Variants in NCR3 observed in about 807,000 individuals in gnomAD.
The protein encoded by NCR3 is natural cytotoxicity triggering receptor 3, also known as NK-p30.
In NCR3, 13 loss-of-function variants were observed where a neutral mutation model predicts 16.1. That is an observed-to-expected ratio of 0.81 (90% CI 0.53 to 1.28). NCR3 has a LOEUF of 1.28. NCR3 is among the 50% of genes most tolerant of loss of function. The pLI, the probability that NCR3 is intolerant of heterozygous loss-of-function variation, is 0.00. For missense variants in NCR3, 202 were observed against 256.8 expected (o/e 0.79, Z 1.46); for synonymous variants, 98 against 106.6 (o/e 0.92, Z 0.50).
chr6:31,589,347 G>A lies in NCR3; in HGVS notation c.497-171C>T. 6.4e-7 allele frequency: 1 copy of A among 1,552,304 alleles called. No individual in the cohort carries two copies. Among genetic ancestry groups the A allele is most frequent in the Non-Finnish European group, 8.7e-7 (1 of 1,147,142 alleles). Reference sequence around the variant, plus strand: ...CTGGGCTCTGGAATCACTCCTCGGGGCCCATCTGAGGAGTGGCAGTGTGTT... The same window carrying A: ...CTGGGCTCTGGAATCACTCCTCGGGACCCATCTGAGGAGTGGCAGTGTGTT... On this transcript the variant is annotated intron_variant, in intron 3 of 3. Transcript: ENST00000340027. The surrounding 1 kb of genome is among the most constrained non-coding windows in gnomAD (Gnocchi z 4.8).
At chr6:31,591,383 GGCC>G (rs1214133334) in intron 1 of NCR3, among the ~76,000 whole-genome samples, 2 of 143,870 alleles carry the variant, frequency 1.4e-5, no homozygotes, top group African/African-American at 5.3e-5. Flanking sequence ...CAGATTCCTG[GGCC>G]TACCCCCCGA....
chr6:31,591,961 CA>C (rs1412904222), intron 1 of NCR3, among the ~76,000 whole-genome samples: 1 of 151,982 alleles, frequency 6.6e-6, no homozygotes, highest in African/African-American at 2.4e-5. Flanking sequence ...ACTAAAAATA[CA>C]AAAATGGCTG....
In NCR3 at chr6:31,589,544, C is replaced by T. The variant is rs747647904; in HGVS notation, c.478G>A (p.Val160Ile). The T allele has an allele frequency of 1.1e-5, 17 of 1,613,908 alleles. No individual in the cohort carries two copies. The highest frequency in any genetic ancestry group is 3.3e-5 in the Admixed American group (2 of 59,978). The stretch of plus-strand genomic sequence containing the variant: ...TACTCACATTTGCCCTGGTAATAGA[C>T]GGTGCTGCCCACGGCCACAGAGAGA... ...SFLSVAVGST[V>I]YYQGKCLTWK... The change falls in exon 3 of 4, where the codon GTC (valine) becomes ATC (isoleucine). Residue 160 changes from valine (V) to isoleucine (I), a missense_variant. Coordinates refer to ENST00000340027, the MANE Select transcript of NCR3 (RefSeq NM_147130.3). This position sits in a 1 kb window ranked among gnomAD's most constrained non-coding sequence, Gnocchi z 4.8.
At chr6:31,590,226 T>C in intron 1 of NCR3, 100 bp from the exon 2 acceptor site, 2 of 1,001,810 alleles carry the variant, frequency 2.0e-6, no homozygotes, top group Non-Finnish European at 2.9e-6. Context: ...TCTCCAGGCA[T>C]AGGGTGCATG....
chr6:31,589,714 C>T lies in NCR3; in HGVS notation c.388+68G>A, dbSNP rs11575841. ...GGGAAGGGGCCTCAGAGGAGCATCCCTGCCTCCCAAGGACATTGCCTCTTG... is the reference window on the plus strand; with the variant it reads ...GGGAAGGGGCCTCAGAGGAGCATCCTTGCCTCCCAAGGACATTGCCTCTTG... On this transcript the variant is annotated intron_variant, in intron 2 of 3. Transcript: ENST00000340027. This position sits in a 1 kb window ranked among gnomAD's most constrained non-coding sequence, Gnocchi z 4.8. 38,759 of 1,604,944 alleles carry T rather than the reference C, an allele frequency of 0.024. 696 individuals are homozygous for T. Among genetic ancestry groups the T allele is most frequent in the Middle Eastern group, 0.065 (388 of 6,014 alleles).
chr6:31,589,932 G>A lies in NCR3; in HGVS notation c.238C>T (p.Leu80Phe). ...TPEFRGRLAP[L>F]ASSRFLHDHQ... is the part of the protein sequence containing the mutation. ...TCATGGAGGAAACGGGAAGAAGCAAGTGGGGCCAGGCGGCCCCTGAACTCT... is the reference window on the plus strand; with the variant it reads ...TCATGGAGGAAACGGGAAGAAGCAAATGGGGCCAGGCGGCCCCTGAACTCT... The change falls in exon 2 of 4, where the codon CTT becomes TTT. Residue 80 changes from leucine to phenylalanine, a missense_variant. Leu to Phe is a conservative substitution (Grantham distance 22, BLOSUM62 0). Coordinates refer to ENST00000340027, the MANE Select transcript of NCR3 (RefSeq NM_147130.3). The surrounding 1 kb of genome is among the most constrained non-coding windows in gnomAD (Gnocchi z 4.8). 6.2e-7 allele frequency: 1 copy of A among 1,613,160 alleles called. No individual in the cohort carries two copies. Among genetic ancestry groups the A allele is most frequent in the Non-Finnish European group, 8.5e-7 (1 of 1,180,050 alleles).
Position 31,590,139 on chromosome 6 carries a change from G to C in NCR3, c.44-13C>G, listed in dbSNP as rs781446382. 4.5e-5 allele frequency: 71 copies of C among 1,591,138 alleles called. No homozygotes were observed. The highest frequency in any genetic ancestry group is 5.8e-5 in the Non-Finnish European group (68 of 1,169,206). On this transcript the variant is annotated splice_polypyrimidine_tract_variant and intron_variant, in intron 1 of 3. Coordinates refer to ENST00000340027, the MANE Select transcript of NCR3 (RefSeq NM_147130.3). ...AGAGCACAGGATCCTGGGGGCAGAA[G>C]GAAGACCCAGAGAAACACCTCCCCA... is the stretch of plus-strand genomic sequence containing the variant.
chr6:31,589,376 A>C lies in NCR3; in HGVS notation c.496+150T>G, dbSNP rs1051387330. 1 of 1,552,550 alleles carries C rather than the reference A, an allele frequency of 6.4e-7. No individual in the cohort carries two copies. ...ATCTGAGGAGTGGCAGTGTGTTCCCATGTGACAGTGGCCTGGTCAGAGAGA... is the reference window on the plus strand; with the variant it reads ...ATCTGAGGAGTGGCAGTGTGTTCCCCTGTGACAGTGGCCTGGTCAGAGAGA... On this transcript the variant is annotated intron_variant, in intron 3 of 3. Coordinates refer to ENST00000340027, the MANE Select transcript of NCR3 (RefSeq NM_147130.3). This position sits in a 1 kb window ranked among gnomAD's most constrained non-coding sequence, Gnocchi z 4.8.
Position 31,592,674 on chromosome 6 carries a change from G to A in NCR3, c.43+5C>T. 6.2e-7 allele frequency: 1 copy of A among 1,612,928 alleles called. No homozygotes were observed. The highest frequency in any genetic ancestry group is 8.5e-7 in the Non-Finnish European group (1 of 1,180,020). On this transcript the variant is annotated splice_donor_5th_base_variant and intron_variant, in intron 1 of 3. Transcript: ENST00000340027. ...CCTTGGGGTCCTGAGCGCACGCCCTGTCACCTGGATGGACCATGATCAAGA... is the reference window on the plus strand; with the variant it reads ...CCTTGGGGTCCTGAGCGCACGCCCTATCACCTGGATGGACCATGATCAAGA...
chr6:31,589,169 G>T lies in NCR3; in HGVS notation c.504C>A (p.Thr168=). 1 of 1,613,868 alleles carries T rather than the reference G, an allele frequency of 6.2e-7. No homozygotes were observed. ...GCAGCTGCCTTCTTGGACCTTTCCA[G>T]GTCAGACCTGGTGGAAGGGAAAGTT... ...STVYYQGKCL[T]WKGPRRQLPA... The change falls in exon 4 of 4, where the codon ACC becomes ACA. Residue 168 remains threonine, a synonymous_variant. Transcript: ENST00000340027. This position sits in a 1 kb window ranked among gnomAD's most constrained non-coding sequence, Gnocchi z 4.8.
At position 31,589,972 on chromosome 6, in the gene NCR3, C is replaced by T. The variant is rs112984374; in HGVS notation, c.198G>A (p.Val66=). 3.7e-6 allele frequency: 6 copies of T among 1,613,088 alleles called. No homozygotes were observed. Among genetic ancestry groups the T allele is most frequent in the African/African-American group, 2.7e-5 (2 of 75,058 alleles). ...FRDEVVPGKE[V]RNGTPEFRGR... is the part of the protein sequence containing the mutation. ...CCCTGAACTCTGGGGTTCCATTCCTCACCTCCTTCCCTGGAACCACCTCAT... is the reference window on the plus strand; with the variant it reads ...CCCTGAACTCTGGGGTTCCATTCCTTACCTCCTTCCCTGGAACCACCTCAT... The change falls in exon 2 of 4, where the codon GTG becomes GTA. Residue 66 remains valine, a synonymous_variant. Coordinates refer to ENST00000340027, the MANE Select transcript of NCR3 (RefSeq NM_147130.3). This position sits in a 1 kb window ranked among gnomAD's most constrained non-coding sequence, Gnocchi z 4.8.
rs777058860 is a variant in NCR3 at position 31,589,416 on chromosome 6, C to A, written c.496+110G>T. On this transcript the variant is annotated intron_variant, in intron 3 of 3. Coordinates refer to ENST00000340027, the MANE Select transcript of NCR3 (RefSeq NM_147130.3). The surrounding 1 kb of genome is among the most constrained non-coding windows in gnomAD (Gnocchi z 4.8). ...GGTCAGAGAGAGGACAGGAGCTGCT[C>A]AGTGTTGCAGTCCCGAGGCTCTCCT... The A allele has an allele frequency of 1.2e-4, 188 of 1,554,940 alleles. No individual in the cohort carries two copies. The highest frequency in any genetic ancestry group is 4.3e-4 in the Admixed American group (22 of 51,226).
Position 31,592,827 on chromosome 6 carries a change from G to T in NCR3, c.-106C>A. The T allele has an allele frequency of 8.1e-7, 1 of 1,237,492 alleles. No homozygotes were observed. Among genetic ancestry groups the T allele is most frequent in the Non-Finnish European group, 1.2e-6 (1 of 851,264 alleles). 76.7% of individuals were successfully genotyped at this position (1,237,492 alleles called of 1,614,324 possible). ...AGGCCTTTGGTCACCAGATGGGGAT[G>T]GGGAGCTTCCTATGACACACGGGAC... On this transcript the variant is annotated 5_prime_UTR_variant, in exon 1 of 4. Transcript: ENST00000340027.
chr6:31,589,872 C>T lies in NCR3; in HGVS notation c.298G>A (p.Gly100Ser). 1.2e-6 allele frequency: 2 copies of T among 1,613,212 alleles called. No individual in the cohort carries two copies. The highest frequency in any genetic ancestry group is 1.7e-6 in the Non-Finnish European group (2 of 1,180,032). ...CACACGTAGATGCTGGCGTCATGGC[C>T]TCGCACGTCCCGGATGTGCAGCTCA... ...QAELHIRDVR[G>S]HDASIYVCRV... Residue 100 changes from glycine (G) to serine (S), a missense_variant, in exon 2 of 4, where the codon GGC becomes AGC. Gly to Ser is a moderately conservative substitution (Grantham distance 56). Transcript: ENST00000340027. The surrounding 1 kb of genome is among the most constrained non-coding windows in gnomAD (Gnocchi z 4.8).
In NCR3 at chr6:31,592,765, G is replaced by A; in HGVS notation, c.-44C>T. 1.2e-6 allele frequency: 2 copies of A among 1,609,818 alleles called. No homozygotes were observed. Among genetic ancestry groups the A allele is most frequent in the Non-Finnish European group, 1.7e-6 (2 of 1,177,500 alleles). ...TGGCGAAGGGGATCTGAGCAGTGAG[G>A]TCTGGGTGGAGGAGGAAGGACTCAC... On this transcript the variant is annotated 5_prime_UTR_variant, in exon 1 of 4. Coordinates refer to ENST00000340027, the MANE Select transcript of NCR3 (RefSeq NM_147130.3).
chr6:31,590,283 A>G (rs1772524633), intron 1 of NCR3, among the ~76,000 whole-genome samples, 157 bp from the exon 2 acceptor site: 1 of 152,044 alleles, frequency 6.6e-6, no homozygotes, highest in Non-Finnish European at 1.5e-5. Context: ...CTCTTAACCA[A>G]TCTGATTTCT....
chr6:31,590,701 C>T (rs949620345), intron 1 of NCR3, among the ~76,000 whole-genome samples: 3 of 152,212 alleles, frequency 2.0e-5, no homozygotes, highest in African/African-American at 7.2e-5. Context: ...AGTAACTTGT[C>T]TAGCTGAAAT....
In NCR3 at chr6:31,588,996, G is replaced by T; in HGVS notation, c.*71C>A. 1 of 1,458,448 alleles carries T rather than the reference G, an allele frequency of 6.9e-7. No individual in the cohort carries two copies. Among genetic ancestry groups the T allele is most frequent in the Non-Finnish European group, 9.1e-7 (1 of 1,095,256 alleles). The allele number at this position is 1,458,448 out of a possible 1,614,324, so 90.3% of individuals were successfully genotyped here. On this transcript the variant is annotated 3_prime_UTR_variant, in exon 4 of 4. Coordinates refer to ENST00000340027, the MANE Select transcript of NCR3 (RefSeq NM_147130.3). ...AACAGCCAGAAGAGGGTATGTGTGG[G>T]CCTGGCAGGAAAGGGCAGTTGCCAA...
At position 31,589,764 on chromosome 6, in the gene NCR3, C is replaced by G. The variant is rs746232013; in HGVS notation, c.388+18G>C. 7.5e-6 allele frequency: 12 copies of G among 1,605,332 alleles called. No homozygotes were observed. The East Asian group carries it at 2.2e-4, about 30-fold the overall frequency. On this transcript the variant is annotated intron_variant, in intron 2 of 3. Coordinates refer to ENST00000340027, the MANE Select transcript of NCR3 (RefSeq NM_147130.3). This position sits in a 1 kb window ranked among gnomAD's most constrained non-coding sequence, Gnocchi z 4.8. ...GGGGCCTCCAGCCAGGAGGAGACAC[C>G]ACCTCCCAGCATCTCACCTTTCTCC...
Sources: gnomAD v4.1 joint callset for allele counts (sites outside exome capture counted in the v4.1 genomes callset) on GRCh38, gnomAD v4.1.1 for gene constraint, Gnocchi (gnomAD v3.1) non-coding constraint, MANE v1.5 for transcripts, NCBI Gene and HGNC (gene_info 2026-07-23, HGNC 2026-07-21) for gene names.